The following EDARADD variants were observed in gnomAD, a reference collection of about 807,000 sequenced individuals.
EDARADD encodes EDAR associated via death domain, also known as ectodysplasin-A receptor-associated adapter protein.
A neutral mutation model predicts 25.6 loss-of-function variants in EDARADD; 20 were observed. That is an observed-to-expected ratio of 0.78 (90% CI 0.55 to 1.14). EDARADD has a LOEUF of 1.14. Ranked by LOEUF, EDARADD falls within the 50% of genes most tolerant of loss-of-function variation. The probability of loss-of-function intolerance (pLI) is 0.00; values close to 1 mark genes in which losing one functional copy is unlikely to be tolerated. For missense variants in EDARADD, 225 were observed against 270.1 expected (o/e 0.83, Z 1.17); for synonymous variants, 86 against 94.4 (o/e 0.91, Z 0.52).
At chr1:236,422,484 C>T (rs996745460) in intron 3 of EDARADD, among the ~76,000 whole-genome samples, 4 of 152,060 alleles carry the variant, frequency 2.6e-5, no homozygotes, top group Admixed American at 6.6e-5. Flanking sequence ...GCAGATGGGG[C>T]GATTTGTTGG....
intron 3 of EDARADD, among the ~76,000 whole-genome samples, chr1:236,378,867 A>T (rs911429913): frequency 5.3e-5 from 8 of 152,008 alleles, no homozygotes; most frequent in Non-Finnish European, 8.8e-5. Flanking sequence ...TTCTTTTTAT[A>T]TTCAAAATTT....
Position 236,395,881 on chromosome 1 carries a change from G to A in EDARADD, c.61+1376G>A, listed in dbSNP as rs1667507552. 6.6e-6 allele frequency among the ~76,000 whole-genome samples: 1 copy of A among 152,120 alleles called. No individual in the cohort carries two copies. Among genetic ancestry groups the A allele is most frequent in the African/African-American group, 2.4e-5 (1 of 41,420 alleles). On this transcript the variant is annotated intron_variant, in intron 1 of 5. Coordinates refer to ENST00000334232, the MANE Select transcript of EDARADD (RefSeq NM_145861.4). The surrounding 1 kb of genome is among the most constrained non-coding windows in gnomAD (Gnocchi z 6.9). ...TGACCGCCCCTCCCGCGCTCGCCAGGGCCCCTGCCCCGCGTCAGCCACCGC... is the reference window on the plus strand; with the variant it reads ...TGACCGCCCCTCCCGCGCTCGCCAGAGCCCCTGCCCCGCGTCAGCCACCGC...
intron 4 of EDARADD, among the ~76,000 whole-genome samples, chr1:236,467,447 C>CACACAT (rs1659234748): frequency 6.7e-6 from 1 of 149,088 alleles, no homozygotes; most frequent in African/African-American, 2.5e-5. Flanking sequence ...CACACACACA[C>CACACAT]ACACACACAT....
chr1:236,350,722 A>G (rs1338300432), exon 3 of EDARADD: 1 of 152,208 alleles, frequency 6.6e-6, no homozygotes, highest in African/African-American at 2.4e-5. Flanking sequence ...GAAGAAAAAT[A>G]GCTCCAAGCA....
At chr1:236,417,601 CTT>C (rs1657672791) in intron 3 of EDARADD, among the ~76,000 whole-genome samples, 1 of 152,100 alleles carries the variant, frequency 6.6e-6, no homozygotes, top group African/African-American at 2.4e-5. Flanking sequence ...GTTTGGGGCT[CTT>C]TTCTGATGGC....
At chr1:236,452,099 G>A (rs1336520428) in intron 4 of EDARADD, among the ~76,000 whole-genome samples, 4 of 152,098 alleles carry the variant, frequency 2.6e-5, no homozygotes, top group Admixed American at 6.5e-5. Flanking sequence ...AGAAAGGTTG[G>A]GCCTGTGAGT....
At chr1:236,439,217 T>A (rs1658340193) in intron 4 of EDARADD, among the ~76,000 whole-genome samples, 1 of 152,248 alleles carries the variant, frequency 6.6e-6, no homozygotes, top group South Asian at 2.1e-4. Context: ...TATTCCACTG[T>A]CTGTATGTAC....
chr1:236,445,554 T>G (rs1377346456), intron 4 of EDARADD, among the ~76,000 whole-genome samples: 2 of 152,132 alleles, frequency 1.3e-5, no homozygotes, highest in African/African-American at 2.4e-5. Context: ...TTGACTGTCC[T>G]CTACATCTAA....
Position 236,484,684 on chromosome 1 carries a change from G to T in EDARADD, c.*2035G>T. 1 of 346,712 alleles carries T rather than the reference G, an allele frequency of 2.9e-6. No individual in the cohort carries two copies. The highest frequency in any genetic ancestry group is 5.3e-6 in the Non-Finnish European group (1 of 187,944). 21.5% of individuals were successfully genotyped at this position (346,712 alleles called of 1,614,324 possible). A position where few individuals can be genotyped will look rare whatever the true frequency, so the allele number is the denominator to read the frequency against. On this transcript the variant is annotated 3_prime_UTR_variant, in exon 6 of 6. Coordinates refer to ENST00000334232, the MANE Select transcript of EDARADD (RefSeq NM_145861.4). The surrounding 1 kb of genome is among the most constrained non-coding windows in gnomAD (Gnocchi z 4.1). ...GATTGCGCCACTGCACACCAGTCTGGAGACAGAGTGAGAGTCCGTCCCAGA... is the reference window on the plus strand; with the variant it reads ...GATTGCGCCACTGCACACCAGTCTGTAGACAGAGTGAGAGTCCGTCCCAGA...
intron 4 of EDARADD, among the ~76,000 whole-genome samples, chr1:236,438,765 A>T (rs920719843): frequency 3.3e-5 from 5 of 152,064 alleles, no homozygotes; most frequent in Non-Finnish European, 5.9e-5. Flanking sequence ...GCCCCCACTC[A>T]TGCACAGCTC....
In EDARADD at chr1:236,484,320, G is replaced by T; in HGVS notation, c.*1671G>T. 1.7e-6 allele frequency: 2 copies of T among 1,191,218 alleles called. No individual in the cohort carries two copies. The highest frequency in any genetic ancestry group is 2.3e-5 in the East Asian group (1 of 42,934). The allele number at this position is 1,191,218 out of a possible 1,614,324, so 73.8% of individuals were successfully genotyped here. ...AAATACCTTCATCACTGACCTGGTG[G>T]TGGGGCTGTGACCTGGGCAGCTCAA... On this transcript the variant is annotated 3_prime_UTR_variant, in exon 6 of 6. Transcript: ENST00000334232. This position sits in a 1 kb window ranked among gnomAD's most constrained non-coding sequence, Gnocchi z 4.1.
chr1:236,405,822 T>TTTCCTTCC (rs780077696), intron 1 of EDARADD, among the ~76,000 whole-genome samples: 613 of 55,372 alleles, frequency 0.011, 33 homozygotes, highest in East Asian at 0.041. Context: ...CCTTCCTTCC[T>TTTCCTTCC]TTCCTTCCTT....
chr1:236,445,574 A>G (rs1658515807), intron 4 of EDARADD, among the ~76,000 whole-genome samples: 1 of 152,190 alleles, frequency 6.6e-6, no homozygotes, highest in South Asian at 2.1e-4. Flanking sequence ...AGGATGAGCT[A>G]GGCAGGAAGG....
At chr1:236,366,063 T>A (rs1342472989) in intron 3 of EDARADD, among the ~76,000 whole-genome samples, 3 of 152,224 alleles carry the variant, frequency 2.0e-5, no homozygotes, top group Admixed American at 2.0e-4. Flanking sequence ...GTAACAGATA[T>A]AACGCTAACA....
intron 4 of EDARADD, among the ~76,000 whole-genome samples, chr1:236,428,962 C>T (rs1165600913): frequency 2.6e-5 from 4 of 152,120 alleles, no homozygotes; most frequent in Non-Finnish European, 5.9e-5. Flanking sequence ...GGCGAAACCC[C>T]GTCTCCACCA....
At position 236,483,563 on chromosome 1, in the gene EDARADD, C is replaced by T; in HGVS notation, c.*914C>T. 1 of 1,279,658 alleles carries T rather than the reference C, an allele frequency of 7.8e-7. No homozygotes were observed. Among genetic ancestry groups the T allele is most frequent in the South Asian group, 1.2e-5 (1 of 84,132 alleles). 79.3% of individuals were successfully genotyped at this position (1,279,658 alleles called of 1,614,324 possible). ...AGAAGGGGGTTCCCCTGTACCACCA[C>T]ATCGCCGACTTGTCTGGCAACTCCA... On this transcript the variant is annotated 3_prime_UTR_variant, in exon 6 of 6. Coordinates refer to ENST00000334232, the MANE Select transcript of EDARADD (RefSeq NM_145861.4).
chr1:236,445,927 A>G (rs766157502), intron 4 of EDARADD, among the ~76,000 whole-genome samples: 1 of 152,200 alleles, frequency 6.6e-6, no homozygotes, highest in Non-Finnish European at 1.5e-5. Context: ...GTTGGAACCA[A>G]TCACTGTGAG....
chr1:236,438,010 C>G (rs534877661), intron 4 of EDARADD, among the ~76,000 whole-genome samples: 42 of 152,270 alleles, frequency 2.8e-4, no homozygotes, highest in African/African-American at 9.9e-4. Flanking sequence ...GCGCCCTGCC[C>G]AGGGTCGGTT....
chr1:236,448,898 C>G (rs1323445573), intron 4 of EDARADD, among the ~76,000 whole-genome samples: 1 of 152,182 alleles, frequency 6.6e-6, no homozygotes, highest in East Asian at 1.9e-4. Flanking sequence ...AAGCAACTGA[C>G]ATAACCATGT....
Sources: gnomAD v4.1 joint callset for allele counts (sites outside exome capture counted in the v4.1 genomes callset) on GRCh38, gnomAD v4.1.1 for gene constraint, Gnocchi (gnomAD v3.1) non-coding constraint, MANE v1.5 for transcripts, NCBI Gene and HGNC (gene_info 2026-07-23, HGNC 2026-07-21) for gene names.